THSD7B: variants seen among roughly 807,000 people sequenced by gnomAD.
The protein encoded by THSD7B is thrombospondin type 1 domain containing 7B.
THSD7B carries 138 observed loss-of-function variants against 213.6 expected under a neutral mutation model. The ratio of observed to expected loss-of-function variants is 0.65; its 90% CI spans 0.56 to 0.74. THSD7B has a LOEUF of 0.74. Among genes scored for constraint, THSD7B ranks in the 30% least tolerant of loss-of-function variants. The probability of loss-of-function intolerance (pLI) is 0.00; values close to 1 mark genes in which losing one functional copy is unlikely to be tolerated. For synonymous variants in THSD7B, 742 were observed against 687.0 expected (o/e 1.08, Z -1.25); for missense variants, 1,931 against 1,991.5 (o/e 0.97, Z 0.58).
intron 1 of THSD7B, among the ~76,000 whole-genome samples, chr2:136,850,570 T>C (rs1270433629): frequency 6.6e-6 from 1 of 151,958 alleles, no homozygotes; most frequent in Non-Finnish European, 1.5e-5. Flanking sequence ...GCAGGCATTT[T>C]AAACTTTTTT....
chr2:137,424,737 G>C (rs935427656), intron 14 of THSD7B, among the ~76,000 whole-genome samples: 16 of 152,066 alleles, frequency 1.1e-4, no homozygotes, highest in South Asian at 1.0e-3. Context: ...ATATTTAAAG[G>C]TTCTGCATTA....
intron 15 of THSD7B, among the ~76,000 whole-genome samples, chr2:137,549,381 T>C (rs1680802272): frequency 6.7e-6 from 1 of 148,928 alleles, no homozygotes; most frequent in Admixed American, 6.8e-5. Flanking sequence ...TTTCTGATGG[T>C]CATATTCTGT....
intron 17 of THSD7B, among the ~76,000 whole-genome samples, chr2:137,602,933 T>A (rs561374706): frequency 6.6e-6 from 1 of 152,210 alleles, no homozygotes; most frequent in South Asian, 2.1e-4. Context: ...GCCTTAGGAG[T>A]TACCAATGCT....
chr2:137,112,147 A>C (rs1320265394), intron 4 of THSD7B, among the ~76,000 whole-genome samples: 1 of 152,142 alleles, frequency 6.6e-6, no homozygotes, highest in East Asian at 1.9e-4. Flanking sequence ...TCCTAGCGAC[A>C]CTTTCTCTGG....
At chr2:136,771,478 C>T (rs921215081) in intron 1 of THSD7B, among the ~76,000 whole-genome samples, 19 of 152,060 alleles carry the variant, frequency 1.2e-4, no homozygotes, top group African/African-American at 4.6e-4. Context: ...TCCTATTATC[C>T]ACTTTCTTCT....
At chr2:137,648,982 C>A (rs1377865787) in intron 21 of THSD7B, among the ~76,000 whole-genome samples, 3 of 152,092 alleles carry the variant, frequency 2.0e-5, no homozygotes, top group Non-Finnish European at 2.9e-5. Flanking sequence ...AAGATGATAT[C>A]TCATTATGCT....
chr2:137,350,250 G>A (rs1347779591), intron 12 of THSD7B, among the ~76,000 whole-genome samples: 1 of 151,792 alleles, frequency 6.6e-6, no homozygotes, highest in Non-Finnish European at 1.5e-5. Flanking sequence ...GTCTAATAAA[G>A]CTAAGGAATC....
At position 136,973,400 on chromosome 2, in the gene THSD7B, C is replaced by A. The variant is rs1378701452; in HGVS notation, c.140-83020C>A. 3.3e-5 allele frequency among the ~76,000 whole-genome samples: 5 copies of A among 152,038 alleles called. No individual in the cohort carries two copies. In the East Asian group the frequency reaches 9.6e-4, roughly 29 times the overall value. The stretch of plus-strand genomic sequence containing the variant: ...GAAAATTTTCTTTCACTTTTATATT[C>A]TATTTTGGCAAATAAATTTAGAGAC... On this transcript the variant is annotated intron_variant, in intron 2 of 27. Coordinates refer to ENST00000409968, the MANE Select transcript of THSD7B (RefSeq NM_001316349.2).
chr2:137,177,008 C>G, intron 7 of THSD7B, among the ~76,000 whole-genome samples: 1 of 152,262 alleles, frequency 6.6e-6, no homozygotes, highest in East Asian at 1.9e-4. Context: ...CAATCCATTC[C>G]TATAGGAGAT....
chr2:136,913,897 C>A (rs1684308270), intron 2 of THSD7B, among the ~76,000 whole-genome samples: 1 of 152,186 alleles, frequency 6.6e-6, no homozygotes, highest in Admixed American at 6.5e-5. Flanking sequence ...ATGCAGAGTC[C>A]CTAGTGGGGT....
At chr2:137,018,373 ATGT>A (rs1686381113) in intron 2 of THSD7B, among the ~76,000 whole-genome samples, 1 of 152,208 alleles carries the variant, frequency 6.6e-6, no homozygotes, top group African/African-American at 2.4e-5. Flanking sequence ...AATAACAAAG[ATGT>A]TAGCAGGTGC....
At chr2:137,122,272 A>C (rs923964692) in intron 5 of THSD7B, among the ~76,000 whole-genome samples, 2 of 152,240 alleles carry the variant, frequency 1.3e-5, no homozygotes, top group Non-Finnish European at 2.9e-5. Flanking sequence ...GAGATGAGCC[A>C]GTTAAATAAA....
chr2:137,620,933 G>A (rs1184345152), intron 20 of THSD7B, among the ~76,000 whole-genome samples: 1 of 152,196 alleles, frequency 6.6e-6, no homozygotes, highest in African/African-American at 2.4e-5. Flanking sequence ...AACAGTGGCA[G>A]ACTCCAGAGA....
intron 2 of THSD7B, among the ~76,000 whole-genome samples, chr2:137,005,227 T>A (rs1480675443): frequency 1.3e-5 from 2 of 152,214 alleles, no homozygotes; most frequent in African/African-American, 2.4e-5. Context: ...TACCAATAAT[T>A]TTCTTCTTGA....
intron 1 of THSD7B, among the ~76,000 whole-genome samples, chr2:136,872,211 G>C (rs1412886692): frequency 6.6e-6 from 1 of 152,166 alleles, no homozygotes; most frequent in Non-Finnish European, 1.5e-5. Flanking sequence ...AATTCAGACA[G>C]TGGCTGCAGC....
intron 13 of THSD7B, among the ~76,000 whole-genome samples, chr2:137,406,223 C>A (rs570632323): frequency 6.6e-6 from 1 of 152,220 alleles, no homozygotes; most frequent in Admixed American, 6.5e-5. Context: ...TTGCCATTAT[C>A]TTATAAGCAA....
chr2:136,800,500 A>G (rs1408289943), intron 1 of THSD7B, among the ~76,000 whole-genome samples: 11 of 152,018 alleles, frequency 7.2e-5, no homozygotes, highest in Non-Finnish European at 1.5e-4. Flanking sequence ...TGGCTTCCAA[A>G]TGTGGATAGA....
Position 137,252,311 on chromosome 2 carries a change from T to A in THSD7B, c.2266+9739T>A, listed in dbSNP as rs192304271. Among the ~76,000 whole-genome samples, 92 of 140,102 alleles carry A rather than the reference T, an allele frequency of 6.6e-4. 1 individual carries two copies. Among genetic ancestry groups the A allele is most frequent in the Middle Eastern group, 3.9e-3 (1 of 258 alleles). The allele number at this position is 140,102 out of a possible 152,430, so 91.9% of individuals were successfully genotyped here. On this transcript the variant is annotated intron_variant, in intron 10 of 27. Transcript: ENST00000409968. ...AAAAACAAAGGGTTGGGGGGCTTGA[T>A]GGGAATTTATAACAGATCTGGCAGA... is the stretch of plus-strand genomic sequence containing the variant.
chr2:136,906,936 G>GTTTTTTTTTTTTTTTTT lies in THSD7B; in HGVS notation c.139+24632_139+24648dup, dbSNP rs57887270. ...ATTCATAGATTCCTTACATTTCAAG[G>GTTTTTTTTTTTTTTTTT]TTTTTTTTTTTTTTTTTTTTTTTTT... On this transcript the variant is annotated intron_variant, in intron 2 of 27. Coordinates refer to ENST00000409968, the MANE Select transcript of THSD7B (RefSeq NM_001316349.2). Among the ~76,000 whole-genome samples, 46 of 55,128 alleles carry GTTTTTTTTTTTTTTTTT rather than the reference G, an allele frequency of 8.3e-4. 7 individuals carry two copies. Among genetic ancestry groups the GTTTTTTTTTTTTTTTTT allele is most frequent in the African/African-American group, 2.0e-3 (23 of 11,282 alleles). 36.2% of individuals were successfully genotyped at this position (55,128 alleles called of 152,430 possible).
Sources: gnomAD v4.1 joint callset for allele counts (sites outside exome capture counted in the v4.1 genomes callset) on GRCh38, gnomAD v4.1.1 for gene constraint, MANE v1.5 for transcripts, NCBI Gene and HGNC (gene_info 2026-07-23, HGNC 2026-07-21) for gene names.